MOXD1: variants seen among roughly 807,000 people sequenced by gnomAD.
MOXD1 encodes the protein monooxygenase DBH like 1.
Under a neutral mutation model 66.6 loss-of-function variants are expected in MOXD1, and 62 were observed. The observed-to-expected ratio is 0.93, with a 90% CI of 0.76 to 1.15. The LOEUF is 1.15. MOXD1 is among the 50% of genes most tolerant of loss of function. MOXD1 has a pLI of 0.00. For synonymous variants in MOXD1, 303 were observed against 281.9 expected (o/e 1.07, Z -0.75); for missense variants, 847 against 754.6 (o/e 1.12, Z -1.44).
intron 1 of MOXD1, among the ~76,000 whole-genome samples, chr6:132,397,887 CTT>C (rs561290521): frequency 1.3e-5 from 2 of 152,144 alleles, no homozygotes; most frequent in Non-Finnish European, 2.9e-5. Flanking sequence ...TCTCATCACT[CTT>C]TTTTCTCATT....
At chr6:132,298,400 T>TA (rs1250057725) in intron 10 of MOXD1, among the ~76,000 whole-genome samples, 2 of 152,108 alleles carry the variant, frequency 1.3e-5, no homozygotes, top group Admixed American at 6.6e-5. Flanking sequence ...TGGTTCTAGT[T>TA]AAAAAATTAA....
intron 10 of MOXD1, among the ~76,000 whole-genome samples, chr6:132,307,015 T>C (rs185446111): frequency 6.6e-6 from 1 of 152,232 alleles, no homozygotes; most frequent in East Asian, 1.9e-4. Flanking sequence ...AATTCACACA[T>C]AACAATACTA....
At chr6:132,386,189 T>G (rs940061644) in intron 1 of MOXD1, among the ~76,000 whole-genome samples, 1 of 142,702 alleles carries the variant, frequency 7.0e-6, no homozygotes, top group African/African-American at 2.7e-5. Flanking sequence ...GATCACGAGG[T>G]CAGGAAATCA....
chr6:132,329,744 T>A (rs940839408), intron 4 of MOXD1, among the ~76,000 whole-genome samples: 1 of 151,898 alleles, frequency 6.6e-6, no homozygotes, highest in African/African-American at 2.4e-5. Context: ...AGAAAAAAAA[T>A]CCACCCATGA....
chr6:132,345,526 T>G (rs2114614918), intron 4 of MOXD1, among the ~76,000 whole-genome samples: 1 of 152,338 alleles, frequency 6.6e-6, no homozygotes, highest in Middle Eastern at 3.4e-3. Flanking sequence ...CTCCATCCAT[T>G]ATCTGTCTAT....
At chr6:132,393,068 T>A (rs150023120) in intron 1 of MOXD1, among the ~76,000 whole-genome samples, 68 of 152,272 alleles carry the variant, frequency 4.5e-4, no homozygotes, top group Middle Eastern at 3.4e-3. Flanking sequence ...ATTTCAGAAG[T>A]CTTTTTCTAG....
At chr6:132,375,642 G>A (rs890352624) in intron 1 of MOXD1, among the ~76,000 whole-genome samples, 1 of 152,056 alleles carries the variant, frequency 6.6e-6, no homozygotes, top group African/African-American at 2.4e-5. Flanking sequence ...GGATGGTCTC[G>A]ATCTCCTGAC....
chr6:132,399,932 A>G (rs1431874332), intron 1 of MOXD1, among the ~76,000 whole-genome samples: 1 of 152,264 alleles, frequency 6.6e-6, no homozygotes, highest in Non-Finnish European at 1.5e-5. Flanking sequence ...ATATTTATAC[A>G]TCAGTGACTT....
Position 132,344,201 on chromosome 6 carries a change from T to C in MOXD1, c.664-15607A>G, listed in dbSNP as rs780254433. ...TTGAGTTTTTACAGTAAGCAAATATTAATTTTACAGTGTATTTTTAAAAAT... is the reference window on the plus strand; with the variant it reads ...TTGAGTTTTTACAGTAAGCAAATATCAATTTTACAGTGTATTTTTAAAAAT... On this transcript the variant is annotated intron_variant, in intron 4 of 11. Coordinates refer to ENST00000367963, the MANE Select transcript of MOXD1 (RefSeq NM_015529.4). 8.0e-4 allele frequency among the ~76,000 whole-genome samples: 122 copies of C among 152,362 alleles called. 1 individual carries two copies. The highest frequency in any genetic ancestry group is 3.4e-3 in the Middle Eastern group (1 of 294).
At chr6:132,323,534 G>T (rs1775125076) in intron 7 of MOXD1, among the ~76,000 whole-genome samples, 1 of 151,760 alleles carries the variant, frequency 6.6e-6, no homozygotes, top group Non-Finnish European at 1.5e-5. Context: ...TTGCTCTGTG[G>T]TGAAGAAAGG....
At position 132,372,961 on chromosome 6, in the gene MOXD1, C is replaced by T; in HGVS notation, c.448G>A (p.Glu150Lys). The part of the protein sequence containing the change: ...TVRVIWAYHH[E>K]DAGEAGPKYH... ...TTGGGACCAGCTTCTCCTGCATCTT[C>T]ATGGTGGTAGGCCCAGATCACTCTC... is the stretch of plus-strand genomic sequence containing the variant. The change falls in exon 3 of 12, where the codon GAA becomes AAA. Residue 150 changes from glutamate to lysine, a missense_variant. Coordinates refer to ENST00000367963, the MANE Select transcript of MOXD1 (RefSeq NM_015529.4). The T allele has an allele frequency of 6.2e-7, 1 of 1,613,964 alleles. No individual in the cohort carries two copies. Among genetic ancestry groups the T allele is most frequent in the Admixed American group, 1.7e-5 (1 of 60,018 alleles).
chr6:132,389,609 C>T (rs1776715652), intron 1 of MOXD1, among the ~76,000 whole-genome samples: 1 of 151,586 alleles, frequency 6.6e-6, no homozygotes, highest in Non-Finnish European at 1.5e-5. Flanking sequence ...ATTATTAAAA[C>T]ATCTCCAAGT....
chr6:132,396,394 G>A (rs1776875776), intron 1 of MOXD1, among the ~76,000 whole-genome samples: 1 of 151,782 alleles, frequency 6.6e-6, no homozygotes, highest in South Asian at 2.1e-4. Flanking sequence ...GTGCTAACAG[G>A]AAAGTTTATA....
At chr6:132,299,354 T>C (rs1774478703) in intron 10 of MOXD1, among the ~76,000 whole-genome samples, 3 of 152,138 alleles carry the variant, frequency 2.0e-5, no homozygotes, top group Admixed American at 1.3e-4. Context: ...ATGGAATCAT[T>C]CATACTCTAA....
intron 4 of MOXD1, among the ~76,000 whole-genome samples, chr6:132,335,618 C>T (rs146150008): frequency 6.6e-6 from 1 of 152,166 alleles, no homozygotes; most frequent in Non-Finnish European, 1.5e-5. Context: ...TTGGAAGGAA[C>T]CTGGCCCTGC....
rs970813738 is a variant in MOXD1, at chr6:132,329,538, A to T, written c.664-944T>A. On this transcript the variant is annotated intron_variant, in intron 4 of 11. Transcript: ENST00000367963. ...TCCCTCTCTTCCACCTCAAAATGTT[A>T]TCTTTACCCATCCCTACCAGTGGTG... 5.9e-5 allele frequency among the ~76,000 whole-genome samples: 9 copies of T among 152,014 alleles called. 1 individual carries two copies. The highest frequency in any genetic ancestry group is 2.2e-4 in the African/African-American group (9 of 41,362).
chr6:132,305,333 C>G (rs1774664819), intron 10 of MOXD1, among the ~76,000 whole-genome samples: 1 of 152,240 alleles, frequency 6.6e-6, no homozygotes, highest in African/African-American at 2.4e-5. Flanking sequence ...TCCAATGACT[C>G]CAACTAGAGG....
intron 1 of MOXD1, among the ~76,000 whole-genome samples, chr6:132,384,417 T>C (rs1273718704): frequency 6.6e-6 from 1 of 152,144 alleles, no homozygotes; most frequent in Non-Finnish European, 1.5e-5. Context: ...TGAGGATACA[T>C]GACTATACTG....
At chr6:132,389,954 AG>A (rs1776724993) in intron 1 of MOXD1, among the ~76,000 whole-genome samples, 1 of 151,640 alleles carries the variant, frequency 6.6e-6, no homozygotes, top group African/African-American at 2.4e-5. Flanking sequence ...AATCTTCCTC[AG>A]GCATACATTT....
Sources: allele counts gnomAD v4.1 joint callset (sites outside exome capture counted in the v4.1 genomes callset), GRCh38; gene constraint gnomAD v4.1.1; transcripts MANE v1.5; gene names NCBI Gene and HGNC (gene_info 2026-07-23, HGNC 2026-07-21).